The following DLGAP4 variants were observed in gnomAD, a reference collection of about 807,000 sequenced individuals.
The protein encoded by DLGAP4 is DLG associated protein 4.
DLGAP4 carries 18 observed loss-of-function variants against 86.9 expected under a neutral mutation model. The ratio of observed to expected loss-of-function variants is 0.21; its 90% CI spans 0.14 to 0.31. The LOEUF (loss-of-function observed/expected upper bound fraction) is 0.31. Ranked by LOEUF, DLGAP4 falls within the 10% of genes least tolerant of loss-of-function variation. The pLI, the probability that DLGAP4 is intolerant of heterozygous loss-of-function variation, is 1.00. For synonymous variants in DLGAP4, 548 were observed against 574.3 expected (o/e 0.95, Z 0.65); for missense variants, 1,085 against 1,362.6 (o/e 0.80, Z 3.21).
intron 2 of DLGAP4, among the ~76,000 whole-genome samples, chr20:36,409,046 T>TC (rs1341646641): frequency 6.7e-6 from 1 of 149,842 alleles, no homozygotes; most frequent in Non-Finnish European, 1.5e-5. Context: ...TTTTTTTTTT[T>TC]TTTTTTTGAG....
chr20:36,347,356 G>T (rs181928939), intron 1 of DLGAP4, among the ~76,000 whole-genome samples: 3 of 152,284 alleles, frequency 2.0e-5, no homozygotes, highest in Middle Eastern at 6.8e-3. Context: ...TGTGGAAGGG[G>T]CAGAGAGAGA....
intron 6 of DLGAP4, among the ~76,000 whole-genome samples, chr20:36,445,753 C>T (rs2033576459): frequency 1.3e-5 from 2 of 152,222 alleles, no homozygotes; most frequent in African/African-American, 4.8e-5. Flanking sequence ...CCCCCTCCCG[C>T]TGTGGCCCAG....
chr20:36,399,158 T>A (rs985074989), intron 2 of DLGAP4, among the ~76,000 whole-genome samples: 1 of 152,130 alleles, frequency 6.6e-6, no homozygotes, highest in African/African-American at 2.4e-5. Flanking sequence ...TGCTGGAGGT[T>A]GCACTCTAGC....
chr20:36,324,907 T>A (rs1600399120), intron 1 of DLGAP4, among the ~76,000 whole-genome samples: 1 of 152,192 alleles, frequency 6.6e-6, no homozygotes. Context: ...AAGGACAGCT[T>A]TTGGTGTCAC....
chr20:36,346,585 G>A (rs1163805451), intron 1 of DLGAP4, among the ~76,000 whole-genome samples: 1 of 152,218 alleles, frequency 6.6e-6, no homozygotes, highest in African/African-American at 2.4e-5. Flanking sequence ...GGATGAGCTG[G>A]TAGATGATAT....
chr20:36,499,406 C>A, intron 8 of DLGAP4, 182 bp from the exon 9 acceptor site: 1 of 1,386,492 alleles, frequency 7.2e-7, no homozygotes, highest in Admixed American at 2.1e-5. Context: ...CGCGAATGAG[C>A]AGTGCCCGGC....
chr20:36,420,821 A>T (rs928022943), intron 2 of DLGAP4, among the ~76,000 whole-genome samples: 1 of 152,118 alleles, frequency 6.6e-6, no homozygotes, highest in Admixed American at 6.5e-5. Context: ...TAAAAATTCA[A>T]AATTAGCCAG....
At chr20:36,413,413 C>CTTTTT (rs71184094) in intron 2 of DLGAP4, among the ~76,000 whole-genome samples, 24 of 71,012 alleles carry the variant, frequency 3.4e-4, no homozygotes, top group Admixed American at 4.5e-4. Context: ...TTGTTCTGGA[C>CTTTTT]TTTTTTTTTT....
chr20:36,500,679 C>T lies in DLGAP4; in HGVS notation c.2512+68C>T. ...TTGGCAGCTGGTTTCAGCTGGTGGC[C>T]AGCAGCTTCCGAACTTCTGAGTGGG... On this transcript the variant is annotated intron_variant, in intron 10 of 12. Transcript: ENST00000339266. This position sits in a 1 kb window ranked among gnomAD's most constrained non-coding sequence, Gnocchi z 4.6. 7.3e-7 allele frequency: 1 copy of T among 1,373,800 alleles called. No homozygotes were observed. The highest frequency in any genetic ancestry group is 1.5e-5 in the African/African-American group (1 of 67,372). 85.1% of individuals were successfully genotyped at this position (1,373,800 alleles called of 1,614,324 possible).
intron 2 of DLGAP4, among the ~76,000 whole-genome samples, chr20:36,412,121 A>G (rs144107360): frequency 1.3e-5 from 2 of 152,368 alleles, no homozygotes; most frequent in African/African-American, 4.8e-5. Context: ...GGCTCCATAA[A>G]TGTTGGAAGA....
chr20:36,374,903 A>G (rs949911949), intron 2 of DLGAP4, among the ~76,000 whole-genome samples: 3 of 152,366 alleles, frequency 2.0e-5, no homozygotes, highest in East Asian at 3.9e-4. Context: ...TTTCCAGGTC[A>G]GGGGGGTCCA....
chr20:36,427,584 C>A (rs2033011125), intron 2 of DLGAP4, among the ~76,000 whole-genome samples: 1 of 151,970 alleles, frequency 6.6e-6, no homozygotes, highest in South Asian at 2.1e-4. Context: ...CTAAATGTCA[C>A]TAAATTGTAC....
intron 7 of DLGAP4, chr20:36,461,930 G>A (rs1600568037): frequency 1.0e-6 from 1 of 984,708 alleles, no homozygotes; most frequent in East Asian, 1.1e-4. Flanking sequence ...GCGCTCTTCA[G>A]CCCTCAGAGC....
At chr20:36,473,147 C>T (rs1010019129) in intron 7 of DLGAP4, 2 of 152,258 alleles carry the variant, frequency 1.3e-5, no homozygotes, top group African/African-American at 4.8e-5. Context: ...ACCCAGCTTT[C>T]ACAGAGCATT....
At chr20:36,444,009 C>G (rs1319785196) in intron 6 of DLGAP4, among the ~76,000 whole-genome samples, 2 of 152,142 alleles carry the variant, frequency 1.3e-5, no homozygotes, top group Non-Finnish European at 2.9e-5. Flanking sequence ...AGGGTTGGAC[C>G]CCTGGCAGTC....
chr20:36,382,199 C>T (rs1327584592), intron 2 of DLGAP4, among the ~76,000 whole-genome samples: 1 of 152,204 alleles, frequency 6.6e-6, no homozygotes, highest in Non-Finnish European at 1.5e-5. Flanking sequence ...TGAGACATTT[C>T]TTGGCCCATT....
chr20:36,424,893 G>A (rs990823114), intron 2 of DLGAP4, among the ~76,000 whole-genome samples: 5 of 152,092 alleles, frequency 3.3e-5, no homozygotes, highest in Admixed American at 2.6e-4. Context: ...AAGCCACCAC[G>A]TCTGGCTAAT....
intron 9 of DLGAP4, 94 bp downstream of exon 9, chr20:36,499,770 TG>T: frequency 8.1e-7 from 1 of 1,231,838 alleles, no homozygotes; most frequent in Non-Finnish European, 1.1e-6. Flanking sequence ...TTCTCCTTGC[TG>T]GATTTCTAAT....
intron 2 of DLGAP4, among the ~76,000 whole-genome samples, chr20:36,388,890 A>G (rs1336478598): frequency 6.6e-6 from 1 of 152,218 alleles, no homozygotes; most frequent in Non-Finnish European, 1.5e-5. Flanking sequence ...GGGCACCCAG[A>G]TGGGCTCTGG....
Sources: allele counts gnomAD v4.1 joint callset (sites outside exome capture counted in the v4.1 genomes callset), GRCh38; gene constraint gnomAD v4.1.1; non-coding constraint Gnocchi (gnomAD v3.1); transcripts MANE v1.5; gene names NCBI Gene and HGNC (gene_info 2026-07-23, HGNC 2026-07-21).